ATXN1: variants seen among roughly 807,000 people sequenced by gnomAD.
ATXN1 encodes the protein ataxin-1.
A neutral mutation model predicts 56.4 loss-of-function variants in ATXN1; 8 were observed. The ratio of observed to expected loss-of-function variants is 0.14; its 90% CI spans 0.08 to 0.26. The LOEUF is 0.26. Among genes scored for constraint, ATXN1 ranks in the 10% least tolerant of loss-of-function variants. The pLI is 1.00. For missense variants in ATXN1, 987 were observed against 1,106.5 expected (o/e 0.89, Z 1.53); for synonymous variants, 514 against 494.6 (o/e 1.04, Z -0.52).
At chr6:16,572,594 G>A (rs1762352187) in intron 4 of ATXN1, among the ~76,000 whole-genome samples, 1 of 152,114 alleles carries the variant, frequency 6.6e-6, no homozygotes, top group Middle Eastern at 3.2e-3. Context: ...CGTGAAATAA[G>A]TGATGAAAAC....
intron 6 of ATXN1, among the ~76,000 whole-genome samples, chr6:16,337,743 G>C (rs1761155636): frequency 6.6e-6 from 1 of 152,244 alleles, no homozygotes; most frequent in Admixed American, 6.5e-5. Context: ...GCTGGGAACA[G>C]TTACACAGAT....
intron 5 of ATXN1, among the ~76,000 whole-genome samples, chr6:16,518,259 C>T (rs904801241): frequency 6.6e-6 from 1 of 152,220 alleles, no homozygotes; most frequent in Non-Finnish European, 1.5e-5. Flanking sequence ...TTCCCTTATG[C>T]CCTCTGACCT....
chr6:16,505,431 C>G (rs1398734866), intron 5 of ATXN1, among the ~76,000 whole-genome samples: 1 of 152,058 alleles, frequency 6.6e-6, no homozygotes, highest in African/African-American at 2.4e-5. Context: ...GGCTGACATC[C>G]CAAACCTTAA....
chr6:16,596,236 A>G (rs866180657), intron 3 of ATXN1, among the ~76,000 whole-genome samples: 6 of 152,222 alleles, frequency 3.9e-5, no homozygotes, highest in Middle Eastern at 3.4e-3. Flanking sequence ...GCCTCAAGCA[A>G]TCCTCTCATC....
At chr6:16,675,002 T>C (rs2113388621) in intron 2 of ATXN1, among the ~76,000 whole-genome samples, 1 of 152,334 alleles carries the variant, frequency 6.6e-6, no homozygotes, top group African/African-American at 2.4e-5. Context: ...ATAGCCCCCA[T>C]TCTTTCTGAA....
intron 6 of ATXN1, among the ~76,000 whole-genome samples, chr6:16,481,431 A>T (rs1189432166): frequency 1.3e-5 from 2 of 152,188 alleles, no homozygotes; most frequent in Non-Finnish European, 2.9e-5. Flanking sequence ...GAGTAAGAGA[A>T]ATTCAGCTCC....
chr6:16,479,647 C>T (rs1208799201), intron 6 of ATXN1, among the ~76,000 whole-genome samples: 1 of 152,186 alleles, frequency 6.6e-6, no homozygotes, highest in African/African-American at 2.4e-5. Flanking sequence ...ACAATGTCAA[C>T]TAGTTCTTAT....
intron 2 of ATXN1, among the ~76,000 whole-genome samples, chr6:16,675,498 C>T (rs980642290): frequency 1.3e-5 from 2 of 152,076 alleles, no homozygotes; most frequent in Non-Finnish European, 2.9e-5. Context: ...ATGATATTGG[C>T]CTGATGGCAG....
intron 3 of ATXN1, among the ~76,000 whole-genome samples, chr6:16,643,958 T>C (rs1763755229): frequency 6.6e-6 from 1 of 152,192 alleles, no homozygotes. Context: ...AAGAACAGTA[T>C]ATTTGAAACA....
chr6:16,300,359 T>G lies in ATXN1; in HGVS notation c.*5970A>C, dbSNP rs996188895. The G allele has an allele frequency of 3.3e-5, 5 of 152,344 alleles. No homozygotes were observed. Among genetic ancestry groups the G allele is most frequent in the African/African-American group, 1.2e-4 (5 of 41,420 alleles). The allele number at this position is 152,344 out of a possible 1,614,324, so 9.4% of individuals were successfully genotyped here. On this transcript the variant is annotated 3_prime_UTR_variant, in exon 8 of 8. Coordinates refer to ENST00000436367, the MANE Select transcript of ATXN1 (RefSeq NM_001128164.2). ...GGACATGAAAAACTGAAGCCGGTGT[T>G]CCCTCCCGCCATTACACAGGAGAAA...
intron 3 of ATXN1, among the ~76,000 whole-genome samples, chr6:16,648,570 A>G (rs1763841714): frequency 6.6e-6 from 1 of 152,236 alleles, no homozygotes; most frequent in African/African-American, 2.4e-5. Flanking sequence ...TAGCCATGGT[A>G]TATTTCATGA....
chr6:16,663,215 C>T (rs1011908869), intron 2 of ATXN1, among the ~76,000 whole-genome samples: 1 of 151,756 alleles, frequency 6.6e-6, no homozygotes, highest in Non-Finnish European at 1.5e-5. Context: ...GTGATCCACC[C>T]ACCTCGGCCT....
chr6:16,500,271 C>G (rs1489871269), intron 5 of ATXN1, among the ~76,000 whole-genome samples: 3 of 152,170 alleles, frequency 2.0e-5, no homozygotes, highest in Non-Finnish European at 4.4e-5. Context: ...AGGAAACAAA[C>G]TCTGAGAGAT....
At chr6:16,403,630 C>T (rs570787518) in intron 6 of ATXN1, among the ~76,000 whole-genome samples, 2 of 152,294 alleles carry the variant, frequency 1.3e-5, no homozygotes, top group South Asian at 2.1e-4. Flanking sequence ...GGATTACAGG[C>T]GTGAGCCATG....
At chr6:16,449,183 G>T (rs147772997) in intron 6 of ATXN1, among the ~76,000 whole-genome samples, 223 of 152,110 alleles carry the variant, frequency 1.5e-3, no homozygotes, top group African/African-American at 5.2e-3. Flanking sequence ...ACGTCCACTT[G>T]CATGAAATTT....
chr6:16,432,581 T>C (rs769009247), intron 6 of ATXN1: 1 of 152,268 alleles, frequency 6.6e-6, no homozygotes, highest in Non-Finnish European at 1.5e-5. Context: ...CATGTAGATA[T>C]ATTTGTGCTG....
At chr6:16,537,246 C>T (rs1347764676) in intron 4 of ATXN1, among the ~76,000 whole-genome samples, 2 of 152,150 alleles carry the variant, frequency 1.3e-5, no homozygotes, top group Non-Finnish European at 2.9e-5. Context: ...AATGTTAAAC[C>T]TGTCTAGAGT....
chr6:16,742,506 C>T (rs114569359), intron 2 of ATXN1, among the ~76,000 whole-genome samples: 4,279 of 152,294 alleles, frequency 0.028, 167 homozygotes, highest in African/African-American at 0.088. Context: ...GGTGCTGCAG[C>T]GGTCAAAGGA....
chr6:16,528,977 G>A (rs1211912854), intron 4 of ATXN1, among the ~76,000 whole-genome samples: 3 of 152,022 alleles, frequency 2.0e-5, no homozygotes, highest in Non-Finnish European at 4.4e-5. Flanking sequence ...TCAGGAGTTC[G>A]AGACCAGCCT....
Sources: gnomAD v4.1 joint callset for allele counts (sites outside exome capture counted in the v4.1 genomes callset) on GRCh38, gnomAD v4.1.1 for gene constraint, MANE v1.5 for transcripts, NCBI Gene and HGNC (gene_info 2026-07-23, HGNC 2026-07-21) for gene names.